PCNT: variants seen among roughly 807,000 people sequenced by gnomAD.
The protein encoded by PCNT is pericentrin, also known as kendrin.
Under a neutral mutation model 380.4 loss-of-function variants are expected in PCNT, and 319 were observed. That is an observed-to-expected ratio of 0.84 (90% confidence interval 0.77 to 0.92). The LOEUF (loss-of-function observed/expected upper bound fraction) is 0.92. PCNT is among the 40% of genes least tolerant of loss of function. The pLI, the probability that PCNT is intolerant of heterozygous loss-of-function variation, is 0.00. For synonymous variants in PCNT, 1,845 were observed against 1,735.2 expected, an observed-to-expected ratio of 1.06 and a Z score of -1.57; for missense variants, 4,400 against 4,255.3, an observed-to-expected ratio of 1.03 and a Z score of -0.95.
Position 46,412,081 on chromosome 21 carries a change from G to A in PCNT, c.5994+14G>A, listed in dbSNP as rs749371662. 4.4e-6 allele frequency: 7 copies of A among 1,603,164 alleles called. No homozygotes were observed. The highest frequency in any genetic ancestry group is 4.2e-6 in the Non-Finnish European group (5 of 1,179,460). ...CCTGACCCACAGGTGGGCTCCCCCC[G>A]CGGGCCATGGCAGGGTATTTTTTTT... On this transcript the variant is annotated intron_variant, in intron 28 of 46. Transcript: ENST00000359568.
At chr21:46,373,140 C>T (rs2147025314) in intron 15 of PCNT, among the ~76,000 whole-genome samples, 1 of 152,264 alleles carries the variant, frequency 6.6e-6, no homozygotes, top group East Asian at 1.9e-4. Context: ...CCTGCCTCAG[C>T]CTCTTGAGTA....
In PCNT at chr21:46,346,874, C is replaced by T. The variant is rs1391114975; in HGVS notation, c.852C>T (p.Leu284=). ...CATTGACGGAGCTGCGGGAGATGCT[C>T]AACAGCCGGCGTGCCCAGGAGCTGG... The part of the protein sequence containing the change: ...ETALTELREM[L]NSRRAQELAL... Residue 284 remains leucine (L), a synonymous_variant, in exon 5 of 47, where the codon CTC becomes CTT. Coordinates refer to ENST00000359568, the MANE Select transcript of PCNT (RefSeq NM_006031.6). The T allele has an allele frequency of 4.4e-6, 7 of 1,607,680 alleles. No individual in the cohort carries two copies. The highest frequency in any genetic ancestry group is 2.2e-5 in the East Asian group (1 of 44,626).
At chr21:46,432,285 G>A (rs967872697) in intron 38 of PCNT, 70 bp downstream of exon 38, 18 of 1,443,040 alleles carry the variant, frequency 1.2e-5, no homozygotes, top group South Asian at 8.5e-5. Flanking sequence ...GATGGTTCAC[G>A]TGGGGGACGC....
At position 46,411,797 on chromosome 21, in the gene PCNT, G is replaced by A. The variant is rs199519762; in HGVS notation, c.5724G>A (p.Gln1908=). The A allele has an allele frequency of 1.8e-4, 281 of 1,594,698 alleles. 2 individuals are homozygous for A. In the East Asian group the frequency reaches 6.3e-3, roughly 36 times the overall value. Residue 1908 remains glutamine, a synonymous_variant, in exon 28 of 47, where the codon CAG becomes CAA. Transcript: ENST00000359568. The part of the protein sequence containing the change: ...LARIRRALEQ[Q]PLAAGAAPPE... ...GCATCCGCCGCGCCCTGGAGCAGCA[G>A]CCCCTGGCAGCCGGGGCGGCGCCTC...
At chr21:46,328,934 CG>C (rs1423274776) in intron 2 of PCNT, among the ~76,000 whole-genome samples, 2 of 152,186 alleles carry the variant, frequency 1.3e-5, no homozygotes, top group East Asian at 3.9e-4. Context: ...CCACCATGGC[CG>C]GCTAATTTTT....
At chr21:46,389,603 A>G (rs1350823428) in intron 19 of PCNT, among the ~76,000 whole-genome samples, 172 bp downstream of exon 19, 1 of 152,248 alleles carries the variant, frequency 6.6e-6, no homozygotes, top group Middle Eastern at 3.2e-3. Context: ...GAATGAGAGA[A>G]TCTGTTTGTT....
At chr21:46,430,695 G>A (rs1235360854) in intron 37 of PCNT, 38 bp downstream of exon 37, 3 of 1,555,628 alleles carry the variant, frequency 1.9e-6, no homozygotes, top group South Asian at 1.2e-5. Flanking sequence ...GGCATGGGCT[G>A]TGTGCACTGG....
intron 17 of PCNT, among the ~76,000 whole-genome samples, chr21:46,386,693 C>G (rs1862141905): frequency 6.6e-6 from 1 of 152,214 alleles, no homozygotes; most frequent in Non-Finnish European, 1.5e-5. Context: ...TCTTGAGAAA[C>G]TTTTTGCTCC....
chr21:46,397,660 C>T (rs1159999871), intron 22 of PCNT, among the ~76,000 whole-genome samples, 166 bp downstream of exon 22: 1 of 152,182 alleles, frequency 6.6e-6, no homozygotes, highest in Non-Finnish European at 1.5e-5. Flanking sequence ...TGGGTGTCTT[C>T]TTGCCCACAT....
intron 38 of PCNT, among the ~76,000 whole-genome samples, chr21:46,433,488 G>A (rs1377472223): frequency 6.6e-6 from 1 of 152,172 alleles, no homozygotes; most frequent in Non-Finnish European, 1.5e-5. Flanking sequence ...GGCCAAGCAT[G>A]GCAGGGGCGT....
chr21:46,384,684 A>C (rs1310382853), intron 16 of PCNT, among the ~76,000 whole-genome samples: 1 of 151,514 alleles, frequency 6.6e-6, no homozygotes, highest in Non-Finnish European at 1.5e-5. Context: ...TCAGTGGCAG[A>C]AGCGCATTCA....
At chr21:46,402,259 A>G in intron 26 of PCNT, 72 bp from the exon 27 acceptor site, 1 of 1,033,084 alleles carries the variant, frequency 9.7e-7, no homozygotes, top group South Asian at 1.6e-5. Context: ...TATTTTAATA[A>G]TGTCTTAATT....
At chr21:46,420,461 T>C (rs2087205161) in intron 31 of PCNT, 1 of 152,288 alleles carries the variant, frequency 6.6e-6, no homozygotes, top group Non-Finnish European at 1.5e-5. Context: ...TCCTCTCTCC[T>C]TTAGCTTTAG....
intron 2 of PCNT, among the ~76,000 whole-genome samples, chr21:46,328,618 A>G (rs1010089802): frequency 1.4e-5 from 2 of 147,838 alleles, no homozygotes; most frequent in African/African-American, 2.5e-5. Context: ...CTGCCACCAA[A>G]CCCAGCTAAT....
intron 10 of PCNT, 112 bp downstream of exon 10, chr21:46,353,438 A>G (rs563985784): frequency 5.7e-4 from 496 of 872,288 alleles, no homozygotes; most frequent in Non-Finnish European, 8.8e-4. Flanking sequence ...ATGGCCTTTT[A>G]TACAAACACA....
rs193261408 is a variant in PCNT, at chr21:46,397,435, C to A, written c.4387C>A (p.Leu1463Met). ...CAKQAEAVTA[L>M]EQQVASLDKH... ...CAAGCAGGCGGAGGCCGTCACTGCC[C>A]TGGAACAGCAGGTGGCATCTCTGGA... The change falls in exon 22 of 47, where the codon CTG becomes ATG. Residue 1463 changes from leucine (L) to methionine (M), a missense_variant. Transcript: ENST00000359568. 67 of 1,614,196 alleles carry A rather than the reference C, an allele frequency of 4.2e-5. No homozygotes were observed. The East Asian group carries it at 1.4e-3, about 34-fold the overall frequency.
At chr21:46,352,595 T>C (rs971433750) in intron 9 of PCNT, among the ~76,000 whole-genome samples, 1 of 152,142 alleles carries the variant, frequency 6.6e-6, no homozygotes, top group Non-Finnish European at 1.5e-5. Flanking sequence ...GACAAGTTCT[T>C]TTAGGGTCCG....
At chr21:46,394,511 T>G in intron 21 of PCNT, 1 of 985,218 alleles carries the variant, frequency 1.0e-6, no homozygotes, top group Non-Finnish European at 1.2e-6. Context: ...TAGGCACAGC[T>G]GTCACTGCAG....
chr21:46,443,700 C>T, intron 44 of PCNT, 110 bp from the exon 45 acceptor site: 3 of 1,025,430 alleles, frequency 2.9e-6, no homozygotes, highest in Middle Eastern at 2.6e-4. Context: ...TTAAAATTGC[C>T]ATACAGGCTC....
Sources: gnomAD v4.1 joint callset for allele counts (sites outside exome capture counted in the v4.1 genomes callset) on GRCh38, gnomAD v4.1.1 for gene constraint, MANE v1.5 for transcripts, NCBI Gene and HGNC (gene_info 2026-07-23, HGNC 2026-07-21) for gene names.